The following PTPRQ variants were observed in gnomAD, a reference collection of about 807,000 sequenced individuals.
PTPRQ encodes phosphatidylinositol phosphatase PTPRQ.
A neutral mutation model predicts 246.0 loss-of-function variants in PTPRQ; 199 were observed. The ratio of observed to expected loss-of-function variants is 0.81; its 90% confidence interval spans 0.72 to 0.91. PTPRQ has a LOEUF of 0.91. PTPRQ is among the 40% of genes least tolerant of loss of function. The pLI is 0.00. For missense variants in PTPRQ, 2,624 were observed against 2,528.4 expected (o/e 1.04, Z -0.81); for synonymous variants, 869 against 853.2 (o/e 1.02, Z -0.32).
intron 37 of PTPRQ, among the ~76,000 whole-genome samples, chr12:80,649,918 G>A (rs1029755004): frequency 6.6e-6 from 1 of 152,138 alleles, no homozygotes; most frequent in Non-Finnish European, 1.5e-5. Context: ...TTGGCAGCAT[G>A]ACCTTGTCTA....
chr12:80,487,636 T>G (rs975695280), intron 9 of PTPRQ, among the ~76,000 whole-genome samples: 2 of 152,126 alleles, frequency 1.3e-5, no homozygotes. Flanking sequence ...CACTTCTGAC[T>G]TAGATCCTAC....
At chr12:80,530,763 G>A (rs1895821599) in intron 17 of PTPRQ, among the ~76,000 whole-genome samples, 1 of 151,844 alleles carries the variant, frequency 6.6e-6, no homozygotes, top group African/African-American at 2.4e-5. Flanking sequence ...GTCAAAATGG[G>A]TACTCTCACA....
At chr12:80,636,346 G>A (rs952852956) in intron 35 of PTPRQ, among the ~76,000 whole-genome samples, 9 of 152,110 alleles carry the variant, frequency 5.9e-5, no homozygotes, top group African/African-American at 2.2e-4. Flanking sequence ...GATTCCCAGG[G>A]TAACTCATCT....
intron 6 of PTPRQ, among the ~76,000 whole-genome samples, chr12:80,466,147 T>A (rs1349517395): frequency 6.6e-6 from 1 of 152,088 alleles, no homozygotes; most frequent in Non-Finnish European, 1.5e-5. Context: ...TGATAAGCAA[T>A]TTCAGCAAAG....
intron 17 of PTPRQ, among the ~76,000 whole-genome samples, chr12:80,523,237 A>G (rs1204787236): frequency 2.0e-5 from 3 of 151,862 alleles, no homozygotes; most frequent in Middle Eastern, 3.2e-3. Context: ...TATTGCGTCT[A>G]TTTGATTCTT....
At position 80,495,201 on chromosome 12, in the gene PTPRQ, C is replaced by A. The variant is rs1273493325; in HGVS notation, c.1712C>A (p.Ser571Tyr). Residue 571 changes from serine to tyrosine, a missense_variant, in exon 12 of 45, where the codon TCC (serine) becomes TAC (tyrosine). Physicochemically the swap from Ser to Tyr is moderately radical, Grantham distance 144. Coordinates refer to ENST00000644991, the MANE Select transcript of PTPRQ (RefSeq NM_001145026.2). ...CATTCTTCTTTTTAAGTGCCAAGCT[C>A]CATTAAAATTATAAACTATAAAAAT... The part of the protein sequence containing the change: ...SVRTRQQVPS[S>Y]IKIINYKNIS... The A allele has an allele frequency of 1.3e-6, 2 of 1,542,622 alleles. No individual in the cohort carries two copies. The highest frequency in any genetic ancestry group is 2.8e-5 in the African/African-American group (2 of 72,222).
intron 32 of PTPRQ, among the ~76,000 whole-genome samples, chr12:80,620,690 G>A (rs1197716193): frequency 6.6e-6 from 1 of 151,796 alleles, no homozygotes; most frequent in East Asian, 1.9e-4. Context: ...TTTCTGTAGA[G>A]GACAATGTGA....
chr12:80,452,135 T>C (rs1352801176), intron 3 of PTPRQ, among the ~76,000 whole-genome samples: 4 of 105,906 alleles, frequency 3.8e-5, no homozygotes, highest in Non-Finnish European at 5.7e-5. Flanking sequence ...TCTTTGTCTC[T>C]TTTGATCTTT....
intron 16 of PTPRQ, among the ~76,000 whole-genome samples, chr12:80,507,819 A>T (rs1895008414): frequency 6.6e-6 from 1 of 151,990 alleles, no homozygotes; most frequent in East Asian, 1.9e-4. Context: ...TTATCTTAAT[A>T]AAAAAACCTT....
rs1474865165 is a variant in PTPRQ at position 80,542,320 on chromosome 12, G to A, written c.3677G>A (p.Gly1226Glu). Residue 1226 changes from glycine to glutamate, a missense_variant, in exon 22 of 45, where the codon GGA becomes GAA. Coordinates refer to ENST00000644991, the MANE Select transcript of PTPRQ (RefSeq NM_001145026.2). ...SFFAAARTRK[G>E]LGPSSILFFY... ...TTTGCTGCCGCAAGAACTAGAAAAG[G>A]ACTTGGTCCTTCCAGTATTCTTTTC... 2 of 1,548,148 alleles carry A rather than the reference G, an allele frequency of 1.3e-6. No homozygotes were observed.
intron 31 of PTPRQ, 54 bp downstream of exon 31, chr12:80,619,596 T>G: frequency 7.5e-7 from 1 of 1,333,706 alleles, no homozygotes; most frequent in Non-Finnish European, 9.7e-7. Context: ...GATTACTGAG[T>G]GCTAAAAAGA....
At chr12:80,645,273 A>T (rs909195222) in intron 35 of PTPRQ, among the ~76,000 whole-genome samples, 2 of 152,052 alleles carry the variant, frequency 1.3e-5, no homozygotes, top group Non-Finnish European at 2.9e-5. Flanking sequence ...ACGTTAGGTT[A>T]TCTGCTATGG....
At chr12:80,494,812 C>A in intron 10 of PTPRQ, 121 bp from the exon 11 acceptor site, 1 of 954,452 alleles carries the variant, frequency 1.0e-6, no homozygotes, top group Non-Finnish European at 1.5e-6. Flanking sequence ...TAGAGGTGTG[C>A]ATGGAGAGAT....
At chr12:80,640,545 G>T (rs1215610583) in intron 35 of PTPRQ, among the ~76,000 whole-genome samples, 1 of 152,130 alleles carries the variant, frequency 6.6e-6, no homozygotes, top group Non-Finnish European at 1.5e-5. Flanking sequence ...CAGTGTGTTT[G>T]TATACTAAAT....
intron 42 of PTPRQ, 137 bp downstream of exon 42, chr12:80,670,629 T>C: frequency 4.7e-6 from 6 of 1,280,754 alleles, no homozygotes; most frequent in Non-Finnish European, 6.2e-6. Flanking sequence ...TTAGCATTTC[T>C]AGACACATTG....
chr12:80,493,251 T>G, intron 9 of PTPRQ, 24 bp from the exon 10 acceptor site: 1 of 1,413,632 alleles, frequency 7.1e-7, no homozygotes, highest in Non-Finnish European at 9.3e-7. Flanking sequence ...CACAGTCTTT[T>G]AAAATATCTA....
chr12:80,610,213 C>T (rs917487883), intron 27 of PTPRQ, among the ~76,000 whole-genome samples: 2 of 150,478 alleles, frequency 1.3e-5, no homozygotes, highest in East Asian at 2.0e-4. Context: ...TGGTTAATCA[C>T]GGTTGGCTGG....
chr12:80,669,490 G>A (rs1900900737), intron 41 of PTPRQ, 26 bp downstream of exon 41: 1 of 1,525,166 alleles, frequency 6.6e-7, no homozygotes, highest in Admixed American at 2.2e-5. Flanking sequence ...GGGGACGAGA[G>A]AACATGATAT....
chr12:80,547,417 G>A (rs565035695), intron 24 of PTPRQ, among the ~76,000 whole-genome samples: 5 of 151,656 alleles, frequency 3.3e-5, no homozygotes, highest in Admixed American at 6.6e-5. Context: ...AAAAGATCCC[G>A]TTCTAGTCAT....
Sources: gnomAD v4.1 joint callset for allele counts (sites outside exome capture counted in the v4.1 genomes callset) on GRCh38, gnomAD v4.1.1 for gene constraint, MANE v1.5 for transcripts, NCBI Gene and HGNC (gene_info 2026-07-23, HGNC 2026-07-21) for gene names.